TUBB8: variants seen among roughly 807,000 people sequenced by gnomAD.
TUBB8 encodes tubulin beta 8 class VIII, also known as tubulin beta-8 chain.
In TUBB8, 25 loss-of-function variants were observed where a neutral mutation model predicts 33.7. The ratio of observed to expected loss-of-function variants is 0.74; its 90% CI spans 0.54 to 1.04. The LOEUF is 1.04. Ranked by LOEUF, TUBB8 falls within the 50% of genes least tolerant of loss-of-function variation. TUBB8 has a pLI of 0.00. For missense variants in TUBB8, 279 were observed against 608.0 expected (o/e 0.46, Z 5.69); for synonymous variants, 245 against 240.1 (o/e 1.02, Z -0.19).
At chr10:69,791 G>GGA (rs1834713955) in intron 1 of TUBB8, among the ~76,000 whole-genome samples, 1 of 152,176 alleles carries the variant, frequency 6.6e-6, no homozygotes, top group Admixed American at 6.5e-5. Context: ...CAGCTACTGG[G>GGA]GAGGCTGAAG....
chr10:65,281 T>G (rs554145847), intron 1 of TUBB8, among the ~76,000 whole-genome samples: 157 of 152,370 alleles, frequency 1.0e-3, no homozygotes, highest in African/African-American at 3.4e-3. Context: ...CTGCTAATTT[T>G]TTTCCCCTAA....
chr10:58,902 G>T (rs1162709907), intron 1 of TUBB8, among the ~76,000 whole-genome samples: 4 of 152,256 alleles, frequency 2.6e-5, no homozygotes, highest in Middle Eastern at 3.4e-3. Flanking sequence ...TCCAACTGGG[G>T]TGCCTTTTAT....
chr10:48,460 AT>A, intron 3 of TUBB8, 154 bp downstream of exon 3: 1 of 754,420 alleles, frequency 1.3e-6, no homozygotes. Context: ...CCCGAAGCCC[AT>A]TTAGGAGAGG....
intron 1 of TUBB8, among the ~76,000 whole-genome samples, chr10:61,079 G>A (rs548929824): frequency 1.7e-5 from 2 of 119,304 alleles, no homozygotes; most frequent in Admixed American, 2.1e-4. Context: ...CTGTTGTGGG[G>A]TGGGGGGAGG....
upstream of TUBB8, chr10:50,261 A>G (rs546300854): frequency 1.1e-3 from 165 of 152,314 alleles, no homozygotes; most frequent in African/African-American, 3.8e-3. Flanking sequence ...ATTAACAGAA[A>G]CAAAGAATCC....
chr10:57,747 G>A (rs1242671939), intron 1 of TUBB8, among the ~76,000 whole-genome samples: 1 of 152,176 alleles, frequency 6.6e-6, no homozygotes, highest in Non-Finnish European at 1.5e-5. Context: ...GTGATGGGGG[G>A]CTGCCTTTTA....
At chr10:66,208 T>C (rs1472254300) in intron 1 of TUBB8, among the ~76,000 whole-genome samples, 2 of 152,210 alleles carry the variant, frequency 1.3e-5, no homozygotes, top group Admixed American at 1.3e-4. Context: ...TACTCACAGA[T>C]CACAGGAGCT....
upstream of TUBB8, among the ~76,000 whole-genome samples, chr10:52,977 T>A (rs111855825): frequency 4.6e-5 from 7 of 152,212 alleles, no homozygotes; most frequent in African/African-American, 1.4e-4. Context: ...GCATTTGGTA[T>A]GTTTACCAAA....
At chr10:51,832 C>T (rs1834472027), upstream of TUBB8, among the ~76,000 whole-genome samples, 1 of 152,156 alleles carries the variant, frequency 6.6e-6, no homozygotes, top group African/African-American at 2.4e-5. Flanking sequence ...TTATCTTTGC[C>T]AACTAGAAAA....
upstream of TUBB8, among the ~76,000 whole-genome samples, chr10:53,750 T>A (rs1262055022): frequency 2.6e-5 from 4 of 152,280 alleles, no homozygotes; most frequent in African/African-American, 9.6e-5. Flanking sequence ...TTTCCACTTA[T>A]AAACTAAAAA....
At chr10:62,693 TCA>T (rs2130944944) in intron 1 of TUBB8, among the ~76,000 whole-genome samples, 1 of 152,392 alleles carries the variant, frequency 6.6e-6, no homozygotes, top group Non-Finnish European at 1.5e-5. Context: ...ATGAAATACC[TCA>T]GTTTTTGTTT....
chr10:54,419 A>C (rs1416853833), intron 1 of TUBB8, among the ~76,000 whole-genome samples: 3 of 151,240 alleles, frequency 2.0e-5, no homozygotes, highest in Non-Finnish European at 4.4e-5. Context: ...TATGTACCAC[A>C]TTTTCTCTAT....
At chr10:65,863 C>T (rs1188934172) in intron 1 of TUBB8, among the ~76,000 whole-genome samples, 1 of 152,234 alleles carries the variant, frequency 6.6e-6, no homozygotes, top group Non-Finnish European at 1.5e-5. Flanking sequence ...CATACTAAAG[C>T]CATCACTGCA....
At chr10:54,616 TG>T (rs1834506615) in intron 1 of TUBB8, among the ~76,000 whole-genome samples, 1 of 152,248 alleles carries the variant, frequency 6.6e-6, no homozygotes, top group Admixed American at 6.5e-5. Flanking sequence ...ATTTGCCACT[TG>T]TATGTCTTAT....
chr10:50,938 G>C (rs1318704216), upstream of TUBB8, among the ~76,000 whole-genome samples: 3 of 152,108 alleles, frequency 2.0e-5, no homozygotes, highest in African/African-American at 7.2e-5. Context: ...CTTATGTCTG[G>C]CCTGCTAGAA....
At chr10:50,667 AG>A (rs1475268559), upstream of TUBB8, among the ~76,000 whole-genome samples, 2 of 152,232 alleles carry the variant, frequency 1.3e-5, no homozygotes, top group Admixed American at 6.5e-5. Flanking sequence ...TCCAAATTGC[AG>A]CATAAGCATG....
Position 60,826 on chromosome 10 carries a change from C to A in TUBB8, c.-845-10593G>T, listed in dbSNP as rs578155327. ...CAATAGCAAAGACTTGGAACCAACC[C>A]AAATGTCCAACAATGATAGACTGGA... On this transcript the variant is annotated intron_variant, in intron 1 of 3. Coordinates refer to the TUBB8 transcript ENST00000564130. Among the ~76,000 whole-genome samples, 106 of 151,950 alleles carry A rather than the reference C, an allele frequency of 7.0e-4. 3 individuals are homozygous for A. In the Middle Eastern group the frequency reaches 0.014, roughly 20 times the overall value.
chr10:76,359 A>G (rs1332883397), upstream of TUBB8, among the ~76,000 whole-genome samples: 2 of 152,036 alleles, frequency 1.3e-5, no homozygotes, highest in Non-Finnish European at 2.9e-5. Context: ...CCAAGCCTCC[A>G]TGAAGGGACG....
At chr10:63,858 C>G (rs1834632910) in intron 1 of TUBB8, among the ~76,000 whole-genome samples, 1 of 152,042 alleles carries the variant, frequency 6.6e-6, no homozygotes, top group African/African-American at 2.4e-5. Flanking sequence ...AGATGTTCAT[C>G]TATATCTGGG....
Sources: gnomAD v4.1 joint callset for allele counts (sites outside exome capture counted in the v4.1 genomes callset) on GRCh38, gnomAD v4.1.1 for gene constraint, MANE v1.5 for transcripts, NCBI Gene and HGNC (gene_info 2026-07-23, HGNC 2026-07-21) for gene names.